SYNPR: variants seen among roughly 807,000 people sequenced by gnomAD.
SYNPR encodes the protein synaptoporin.
In SYNPR, 23 loss-of-function variants were observed where a neutral mutation model predicts 32.9. The ratio of observed to expected loss-of-function variants is 0.70; its 90% CI spans 0.50 to 0.99. SYNPR has a LOEUF of 0.99. SYNPR is among the 50% of genes least tolerant of loss of function. SYNPR has a pLI of 0.00. For missense variants in SYNPR, 318 were observed against 349.3 expected (o/e 0.91, Z 0.71); for synonymous variants, 146 against 135.9 (o/e 1.07, Z -0.52).
In SYNPR at chr3:63,615,451, T is replaced by G. The variant is rs779844143; in HGVS notation, c.828T>G (p.Thr276=). ...CAGATGAGTTTGGCCAACAGCCTACTGGCCCCACTTCCTTTACCAATCAGA... is the reference window on the plus strand; with the variant it reads ...CAGATGAGTTTGGCCAACAGCCTACGGGCCCCACTTCCTTTACCAATCAGA... ...PTSDEFGQQP[T]GPTSFTNQI is the part of the protein sequence containing the mutation. The change falls in exon 6 of 6, where the codon ACT becomes ACG. Residue 276 remains threonine, a synonymous_variant. Transcript: ENST00000478300. 5.0e-6 allele frequency: 8 copies of G among 1,614,020 alleles called. No homozygotes were observed. The highest frequency in any genetic ancestry group is 1.1e-5 in the South Asian group (1 of 91,074).
intron 2 of SYNPR, among the ~76,000 whole-genome samples, chr3:63,335,088 C>A (rs2087271849): frequency 1.3e-5 from 2 of 152,194 alleles, no homozygotes; most frequent in African/African-American, 4.8e-5. Context: ...GGCGCCGTGG[C>A]TCACGCCTGT....
intron 3 of SYNPR, among the ~76,000 whole-genome samples, chr3:63,544,967 C>T (rs762097770): frequency 1.3e-5 from 2 of 151,368 alleles, no homozygotes; most frequent in Admixed American, 6.6e-5. Context: ...ACATGAGACT[C>T]GTCCAAGGTC....
chr3:63,443,400 T>C, intron 2 of SYNPR: 1 of 1,593,292 alleles, frequency 6.3e-7, no homozygotes. Context: ...AGACAACCTC[T>C]ATTTTCTTTC....
chr3:63,455,681 A>T (rs1348815752), intron 2 of SYNPR, among the ~76,000 whole-genome samples: 1 of 151,958 alleles, frequency 6.6e-6, no homozygotes, highest in Non-Finnish European at 1.5e-5. Flanking sequence ...ATGGTTGAAG[A>T]TTATTAGTTA....
chr3:63,549,847 C>T (rs1389458420), intron 3 of SYNPR: 2 of 152,056 alleles, frequency 1.3e-5, no homozygotes, highest in African/African-American at 2.4e-5. Flanking sequence ...AAAGAAACCA[C>T]TCTAAAATGG....
At chr3:63,451,967 T>C (rs1346094058) in intron 2 of SYNPR, 6 of 642,506 alleles carry the variant, frequency 9.3e-6, no homozygotes, top group Non-Finnish European at 1.7e-5. Flanking sequence ...ATTTATAAAC[T>C]CCTCAACTTC....
At chr3:63,545,947 A>G (rs373758898) in intron 3 of SYNPR, among the ~76,000 whole-genome samples, 7 of 152,118 alleles carry the variant, frequency 4.6e-5, no homozygotes, top group African/African-American at 1.7e-4. Context: ...ACATTTCTAT[A>G]CTAACCGAAT....
rs375489376 is a variant in SYNPR, at chr3:63,309,802, T to C, written c.84+31060T>C. ...ACCCTCTACACTGCTTACTCCAGAG[T>C]TCTCTCTGTGCTACACACTTTATCC... On this transcript the variant is annotated intron_variant, in intron 2 of 5. Transcript: ENST00000478300. Among the ~76,000 whole-genome samples the C allele has an allele frequency of 3.6e-4, 55 of 152,070 alleles. No individual in the cohort carries two copies. The South Asian group carries it at 5.2e-3, about 14-fold the overall frequency.
intron 3 of SYNPR, among the ~76,000 whole-genome samples, chr3:63,507,213 T>C (rs1457618616): frequency 1.3e-5 from 2 of 148,174 alleles, no homozygotes; most frequent in Non-Finnish European, 3.0e-5. Flanking sequence ...CTCTAAGCGG[T>C]GCATAAAAAG....
At chr3:63,253,868 G>A (rs1472247566) in intron 2 of SYNPR, among the ~76,000 whole-genome samples, 2 of 152,194 alleles carry the variant, frequency 1.3e-5, no homozygotes, top group Non-Finnish European at 2.9e-5. Flanking sequence ...ACATGCATAT[G>A]TATGTTTATT....
At chr3:63,494,001 A>T (rs1701308308) in intron 3 of SYNPR, among the ~76,000 whole-genome samples, 1 of 152,030 alleles carries the variant, frequency 6.6e-6, no homozygotes, top group South Asian at 2.1e-4. Flanking sequence ...CAATAGACTG[A>T]TATGTTGTGT....
intron 3 of SYNPR, among the ~76,000 whole-genome samples, chr3:63,482,788 G>A (rs893111126): frequency 6.6e-6 from 1 of 152,016 alleles, no homozygotes; most frequent in Non-Finnish European, 1.5e-5. Flanking sequence ...TTTTACATTT[G>A]TATATTTTAA....
At chr3:63,335,462 GCCACTGTACCTGAAAGT>G (rs2087280150) in intron 2 of SYNPR, among the ~76,000 whole-genome samples, 1 of 151,884 alleles carries the variant, frequency 6.6e-6, no homozygotes, top group African/African-American at 2.4e-5. Context: ...GCCAATTGAA[GCCACTGTACCTGAAAGT>G]CCAGGAGATT....
chr3:63,361,598 CAA>C (rs34536474), intron 2 of SYNPR, among the ~76,000 whole-genome samples: 52 of 78,832 alleles, frequency 6.6e-4, no homozygotes, highest in South Asian at 1.7e-3. Flanking sequence ...ACTCTGTCTC[CAA>C]AAAAAAAAAA....
the SYNPR span, among the ~76,000 whole-genome samples, chr3:63,211,859 C>CT: frequency 3.5e-5 from 4 of 112,776 alleles, no homozygotes; most frequent in African/African-American, 6.9e-5. Context: ...TCCCTCCCCC[C>CT]TCCCCCGACC....
chr3:63,370,458 G>A (rs529843571), intron 2 of SYNPR, among the ~76,000 whole-genome samples: 1 of 152,266 alleles, frequency 6.6e-6, no homozygotes, highest in Non-Finnish European at 1.5e-5. Flanking sequence ...GAATCTATTG[G>A]ATACTTCCTC....
intron 2 of SYNPR, among the ~76,000 whole-genome samples, chr3:63,367,408 G>A (rs1296869955): frequency 1.3e-5 from 2 of 151,770 alleles, no homozygotes; most frequent in Admixed American, 6.6e-5. Context: ...CTCCCAGGCT[G>A]GAGTGCAGTC....
chr3:63,275,020 GA>G (rs764100930), upstream of SYNPR, among the ~76,000 whole-genome samples: 9 of 152,166 alleles, frequency 5.9e-5, no homozygotes, highest in Non-Finnish European at 1.2e-4. Flanking sequence ...AGAGAATTTG[GA>G]AATTATTTGA....
upstream of SYNPR, among the ~76,000 whole-genome samples, chr3:63,277,910 T>C (rs1321939614): frequency 6.6e-6 from 1 of 152,216 alleles, no homozygotes; most frequent in Non-Finnish European, 1.5e-5. Context: ...CCATAAAGGC[T>C]TGAAGGAATG....
Sources: allele counts gnomAD v4.1 joint callset (sites outside exome capture counted in the v4.1 genomes callset), GRCh38; gene constraint gnomAD v4.1.1; transcripts MANE v1.5; gene names NCBI Gene and HGNC (gene_info 2026-07-23, HGNC 2026-07-21).